Variants in ZPBP observed in about 807,000 individuals in gnomAD.
ZPBP encodes the protein zona pellucida binding protein.
In ZPBP, 26 loss-of-function variants were observed where a neutral mutation model predicts 44.8. The observed-to-expected ratio is 0.58, with a 90% CI of 0.43 to 0.81. ZPBP has a LOEUF of 0.81. ZPBP is among the 30% of genes least tolerant of loss of function. ZPBP has a pLI of 0.00. For synonymous variants in ZPBP, 174 were observed against 153.2 expected, an observed-to-expected ratio of 1.14 and a Z score of -1.00; for missense variants, 409 against 434.0, an observed-to-expected ratio of 0.94 and a Z score of 0.51.
intron 4 of ZPBP, among the ~76,000 whole-genome samples, chr7:50,031,682 A>T (rs1414385834): frequency 6.6e-6 from 1 of 152,206 alleles, no homozygotes; most frequent in Admixed American, 6.5e-5. Context: ...ATGCTGCTCA[A>T]ACTCAGGTAC....
intron 4 of ZPBP, among the ~76,000 whole-genome samples, chr7:50,037,335 C>T (rs1194988154): frequency 6.6e-6 from 1 of 152,148 alleles, no homozygotes; most frequent in Non-Finnish European, 1.5e-5. Flanking sequence ...AGAAGTCTAT[C>T]GCATGTCAGT....
At chr7:50,028,797 G>C (rs1050694142) in intron 5 of ZPBP, among the ~76,000 whole-genome samples, 1 of 151,866 alleles carries the variant, frequency 6.6e-6, no homozygotes, top group Non-Finnish European at 1.5e-5. Flanking sequence ...CAGGACTATA[G>C]TTATACACTG....
chr7:50,085,655 T>C (rs969805116), intron 2 of ZPBP, among the ~76,000 whole-genome samples: 3 of 152,140 alleles, frequency 2.0e-5, no homozygotes, highest in Non-Finnish European at 4.4e-5. Context: ...ATTTGGACTT[T>C]GCCTACTGCA....
At chr7:49,872,309 TC>T (rs1202567528) in intron 2 of ZPBP, among the ~76,000 whole-genome samples, 2 of 152,004 alleles carry the variant, frequency 1.3e-5, no homozygotes, top group East Asian at 3.9e-4. Context: ...ACATGAAAGG[TC>T]TTGGATTTAA....
chr7:49,979,770 T>C lies in ZPBP; in HGVS notation c.961+3572A>G, dbSNP rs1011102612. On this transcript the variant is annotated intron_variant, in intron 7 of 7. Transcript: ENST00000046087. ...AGCTTAACTACTATGTTCCAGTTTA[T>C]TTTTTGGGTATTTCTATGTTTTTCT... is the stretch of plus-strand genomic sequence containing the variant. Among the ~76,000 whole-genome samples the C allele has an allele frequency of 5.6e-5, 8 of 142,636 alleles. No individual in the cohort carries two copies. In the East Asian group the frequency reaches 1.6e-3, roughly 29 times the overall value. 93.6% of individuals were successfully genotyped at this position (142,636 alleles called of 152,430 possible). A position where few individuals can be genotyped will look rare whatever the true frequency, so the allele number is the denominator to read the frequency against.
chr7:49,908,883 AATGAAAAATAAAGATTTTATATTCT>A (rs1390671409), intron 1 of ZPBP, among the ~76,000 whole-genome samples: 2 of 152,252 alleles, frequency 1.3e-5, no homozygotes, highest in African/African-American at 2.4e-5. Flanking sequence ...GTTGCAAAAG[AATGAAAAATAAAGATTTTATATTCT>A]ACAGTAAAAT....
chr7:50,052,425 G>A (rs1193839750), intron 4 of ZPBP, among the ~76,000 whole-genome samples: 9 of 152,100 alleles, frequency 5.9e-5, no homozygotes, highest in Admixed American at 5.9e-4. Context: ...TATCAGAATG[G>A]CTAAAACAAA....
intron 6 of ZPBP, among the ~76,000 whole-genome samples, chr7:49,988,357 T>C (rs1488697949): frequency 2.0e-5 from 3 of 152,174 alleles, no homozygotes; most frequent in Non-Finnish European, 4.4e-5. Context: ...TTTTAGATGC[T>C]ACAGAGGGCC....
At chr7:49,920,054 A>G (rs551050114) in intron 1 of ZPBP, 2 of 152,282 alleles carry the variant, frequency 1.3e-5, no homozygotes, top group Non-Finnish European at 2.9e-5. Flanking sequence ...TTGGTACAAT[A>G]AACAGCATAC....
intron 7 of ZPBP, among the ~76,000 whole-genome samples, chr7:49,969,361 T>G (rs926087513): frequency 2.0e-5 from 3 of 151,174 alleles, no homozygotes; most frequent in Admixed American, 6.6e-5. Context: ...AAATTTAAGA[T>G]GGAATTGACA....
chr7:50,000,788 G>A (rs1330954334), intron 6 of ZPBP, among the ~76,000 whole-genome samples: 1 of 152,144 alleles, frequency 6.6e-6, no homozygotes, highest in Non-Finnish European at 1.5e-5. Context: ...AAGCTGCAAT[G>A]AGCTGATTCA....
chr7:49,894,578 T>A (rs1366460434), intron 2 of ZPBP, among the ~76,000 whole-genome samples: 1 of 152,258 alleles, frequency 6.6e-6, no homozygotes, highest in Non-Finnish European at 1.5e-5. Flanking sequence ...TTAACTCAAC[T>A]GTACATATAC....
At chr7:50,019,614 A>G (rs1798993436) in intron 5 of ZPBP, among the ~76,000 whole-genome samples, 1 of 152,132 alleles carries the variant, frequency 6.6e-6, no homozygotes, top group Admixed American at 6.6e-5. Context: ...ATTGATCATA[A>G]AAGTATGAAT....
intron 1 of ZPBP, chr7:49,919,514 C>T (rs1255124469): frequency 6.6e-6 from 1 of 151,998 alleles, no homozygotes; most frequent in Admixed American, 6.6e-5. Context: ...CCTGCTTGGG[C>T]TAGTTATACT....
At chr7:49,985,562 T>C (rs540352270) in intron 6 of ZPBP, among the ~76,000 whole-genome samples, 10 of 150,750 alleles carry the variant, frequency 6.6e-5, no homozygotes, top group African/African-American at 2.2e-4. Flanking sequence ...GAGACTATAA[T>C]TAAAAGTGTC....
At chr7:50,074,580 C>T (rs767957261) in intron 3 of ZPBP, among the ~76,000 whole-genome samples, 4 of 151,806 alleles carry the variant, frequency 2.6e-5, no homozygotes, top group Admixed American at 6.6e-5. Flanking sequence ...TAAAAAGATA[C>T]TTCATGCCAA....
At chr7:49,981,545 A>AATTATATAAATTATATATTATATG (rs1562819940) in intron 7 of ZPBP, among the ~76,000 whole-genome samples, 21 of 89,136 alleles carry the variant, frequency 2.4e-4, no homozygotes, top group Non-Finnish European at 3.3e-4. Context: ...AATTTTATAT[A>AATTATATAAATTATATATTATATG]ATTATATAAA....
chr7:49,962,560 T>G (rs1174668714), intron 7 of ZPBP, among the ~76,000 whole-genome samples: 1 of 151,908 alleles, frequency 6.6e-6, no homozygotes, highest in African/African-American at 2.4e-5. Flanking sequence ...CTGAGGGCTC[T>G]GATAGTGGGA....
intron 2 of ZPBP, among the ~76,000 whole-genome samples, chr7:49,881,602 A>T (rs1791666535): frequency 6.6e-6 from 1 of 152,110 alleles, no homozygotes; most frequent in East Asian, 1.9e-4. Flanking sequence ...GTTTCTTTGA[A>T]ATAGTCTTGT....
Sources: gnomAD v4.1 joint callset for allele counts (sites outside exome capture counted in the v4.1 genomes callset) on GRCh38, gnomAD v4.1.1 for gene constraint, MANE v1.5 for transcripts, NCBI Gene and HGNC (gene_info 2026-07-23, HGNC 2026-07-21) for gene names.